Variants in LRRTM4 observed in about 807,000 individuals in gnomAD.
LRRTM4 encodes leucine-rich repeat transmembrane neuronal protein 4.
A neutral mutation model predicts 47.6 loss-of-function variants in LRRTM4; 25 were observed. That is an observed-to-expected ratio of 0.53 (90% CI 0.38 to 0.73). LRRTM4 has a LOEUF of 0.73. Among genes scored for constraint, LRRTM4 ranks in the 30% least tolerant of loss-of-function variants. LRRTM4 has a pLI of 0.00. For missense variants in LRRTM4, 638 were observed against 713.4 expected, an observed-to-expected ratio of 0.89 and a Z score of 1.20; for synonymous variants, 311 against 269.5, an observed-to-expected ratio of 1.15 and a Z score of -1.51.
Position 76,749,838 on chromosome 2 carries a change from T to C in LRRTM4, c.1552-922A>G, listed in dbSNP as rs75198959. ...TGTTGTTCTCATGCTAGAATATTTC[T>C]CATACTTGCGAGTTACAATTTGACA... On this transcript the variant is annotated intron_variant, in intron 3 of 3. Transcript: ENST00000409884. Among the ~76,000 whole-genome samples the C allele has an allele frequency of 7.2e-3, 1,104 of 152,342 alleles. 19 individuals are homozygous for C. Among genetic ancestry groups the C allele is most frequent in the African/African-American group, 0.025 (1,019 of 41,584 alleles).
intron 3 of LRRTM4, among the ~76,000 whole-genome samples, chr2:77,092,155 T>TA (rs1670664429): frequency 6.6e-6 from 1 of 151,396 alleles, no homozygotes; most frequent in Non-Finnish European, 1.5e-5. Context: ...ACTTTCTGCT[T>TA]CCCGGCTCCT....
chr2:77,430,698 G>A (rs1276720098), intron 3 of LRRTM4, among the ~76,000 whole-genome samples: 2 of 139,784 alleles, frequency 1.4e-5, no homozygotes, highest in Admixed American at 7.0e-5. Flanking sequence ...TCCAGCCTGG[G>A]CAACAAGAGT....
At chr2:76,968,383 T>TATATATATATACACAC (rs797010446) in intron 3 of LRRTM4, among the ~76,000 whole-genome samples, 4 of 111,426 alleles carry the variant, frequency 3.6e-5, no homozygotes, top group East Asian at 3.3e-4. Context: ...TATATATATA[T>TATATATATATACACAC]ACACATACAT....
At chr2:77,086,461 A>G (rs1417744151) in intron 3 of LRRTM4, among the ~76,000 whole-genome samples, 1 of 149,000 alleles carries the variant, frequency 6.7e-6, no homozygotes, top group Non-Finnish European at 1.5e-5. Context: ...TCATGATTGC[A>G]GGTTACATAT....
At chr2:77,422,477 T>C (rs1674939747) in intron 3 of LRRTM4, among the ~76,000 whole-genome samples, 1 of 152,142 alleles carries the variant, frequency 6.6e-6, no homozygotes, top group Admixed American at 6.5e-5. Context: ...GATGTCACAG[T>C]TTTTTCAAGA....
At position 77,300,456 on chromosome 2, in the gene LRRTM4, A is replaced by G. The variant is rs560925907; in HGVS notation, c.1551+217862T>C. On this transcript the variant is annotated intron_variant, in intron 3 of 3. Transcript: ENST00000409884. ...GAGACTGAGTTCTACCAAAGACTAG[A>G]TGGGTAATTTAGAGCTAATTGCTTT... is the stretch of plus-strand genomic sequence containing the variant. 3.3e-5 allele frequency among the ~76,000 whole-genome samples: 5 copies of G among 152,294 alleles called. No individual in the cohort carries two copies. In the East Asian group the frequency reaches 9.7e-4, roughly 29 times the overall value.
intron 3 of LRRTM4, among the ~76,000 whole-genome samples, chr2:77,386,131 T>C (rs926818413): frequency 7.5e-6 from 1 of 133,840 alleles, no homozygotes; most frequent in Non-Finnish European, 1.6e-5. Context: ...TTAAACATAA[T>C]TTCTCATAAA....
At chr2:77,420,665 T>C (rs1674839718) in intron 3 of LRRTM4, among the ~76,000 whole-genome samples, 1 of 150,726 alleles carries the variant, frequency 6.6e-6, no homozygotes, top group African/African-American at 2.4e-5. Context: ...TGTGGCCCAC[T>C]ATTTCTCCAA....
At position 76,820,677 on chromosome 2, in the gene LRRTM4, G is replaced by A. The variant is rs530647164; in HGVS notation, c.1552-71761C>T. Among the ~76,000 whole-genome samples, 10 of 151,742 alleles carry A rather than the reference G, an allele frequency of 6.6e-5. No homozygotes were observed. In the South Asian group the frequency reaches 1.5e-3, roughly 22 times the overall value. On this transcript the variant is annotated intron_variant, in intron 3 of 3. Transcript: ENST00000409884. ...GAATTACTTACAACACATCATCAAT[G>A]ATCATAAAAATTAATTAAGAGGCTG... is the stretch of plus-strand genomic sequence containing the variant.
chr2:77,221,486 G>C (rs1358484277), intron 3 of LRRTM4, among the ~76,000 whole-genome samples: 2 of 152,036 alleles, frequency 1.3e-5, no homozygotes, highest in Non-Finnish European at 2.9e-5. Flanking sequence ...ACACACATAG[G>C]CTCAAAATAA....
rs750541230 is a variant in LRRTM4, at chr2:77,419,658, A to C, written c.1551+98660T>G. Among the ~76,000 whole-genome samples the C allele has an allele frequency of 3.2e-4, 49 of 152,178 alleles. 1 individual carries two copies. Among genetic ancestry groups the C allele is most frequent in the Non-Finnish European group, 3.7e-4 (25 of 68,030 alleles). ...ATGGATGTAAAAAAATCATAGATACATACAGAGGGATGACTGTATTTTGTT... is the reference window on the plus strand; with the variant it reads ...ATGGATGTAAAAAAATCATAGATACCTACAGAGGGATGACTGTATTTTGTT... On this transcript the variant is annotated intron_variant, in intron 3 of 3. Coordinates refer to ENST00000409884, the MANE Select transcript of LRRTM4 (RefSeq NM_001134745.3).
intron 3 of LRRTM4, among the ~76,000 whole-genome samples, chr2:77,249,795 C>G (rs538216358): frequency 4.6e-5 from 7 of 152,210 alleles, no homozygotes; most frequent in African/African-American, 1.7e-4. Context: ...TACCATATGA[C>G]CTAGCTAGCA....
intron 3 of LRRTM4, among the ~76,000 whole-genome samples, chr2:76,904,162 A>C (rs898427048): frequency 6.6e-6 from 1 of 152,326 alleles, no homozygotes; most frequent in Non-Finnish European, 1.5e-5. Flanking sequence ...CTCAGACATA[A>C]TTCTTTAAAT....
rs935292385 is a variant in LRRTM4 at position 76,950,711 on chromosome 2, A to G, written c.1552-201795T>C. 4.6e-5 allele frequency among the ~76,000 whole-genome samples: 7 copies of G among 152,108 alleles called. No homozygotes were observed. The East Asian group carries it at 1.2e-3, about 25-fold the overall frequency. ...TTAGGGCCCTATGAAAGCATTTTTA[A>G]TGTTGAAAAGAGGAAATAGTGAAAT... is the stretch of plus-strand genomic sequence containing the variant. On this transcript the variant is annotated intron_variant, in intron 3 of 3. Transcript: ENST00000409884.
intron 3 of LRRTM4, among the ~76,000 whole-genome samples, chr2:77,172,757 AATATCTGTGTGATATT>A (rs1389480453): frequency 6.6e-6 from 1 of 152,204 alleles, no homozygotes; most frequent in Non-Finnish European, 1.5e-5. Flanking sequence ...CTGCGTGACA[AATATCTGTGTGATATT>A]ATTTCTAATC....
At chr2:77,325,494 T>C (rs1481713559) in intron 3 of LRRTM4, among the ~76,000 whole-genome samples, 1 of 152,132 alleles carries the variant, frequency 6.6e-6, no homozygotes, top group Non-Finnish European at 1.5e-5. Flanking sequence ...AGTGTATTGA[T>C]ATCATAAAAA....
intron 3 of LRRTM4, among the ~76,000 whole-genome samples, chr2:76,897,484 G>A (rs576429880): frequency 5.0e-4 from 76 of 152,170 alleles, no homozygotes; most frequent in African/African-American, 1.8e-3. Context: ...CTATATAAGT[G>A]TATAATGTTA....
intron 3 of LRRTM4, among the ~76,000 whole-genome samples, chr2:76,831,269 CTT>C (rs1475755083): frequency 2.0e-5 from 3 of 152,120 alleles, no homozygotes; most frequent in African/African-American, 7.2e-5. Flanking sequence ...TACATATAGA[CTT>C]TGCAACTACA....
chr2:77,219,907 C>T (rs1476642539), intron 3 of LRRTM4, among the ~76,000 whole-genome samples: 1 of 152,152 alleles, frequency 6.6e-6, no homozygotes, highest in Non-Finnish European at 1.5e-5. Flanking sequence ...CAGACTGCCT[C>T]CTCAAGTGGG....
Sources: allele counts gnomAD v4.1 joint callset (sites outside exome capture counted in the v4.1 genomes callset), GRCh38; gene constraint gnomAD v4.1.1; transcripts MANE v1.5; gene names NCBI Gene and HGNC (gene_info 2026-07-23, HGNC 2026-07-21).